The following PRSS33 variants were observed in gnomAD, a reference collection of about 807,000 sequenced individuals.
PRSS33 encodes serine protease 33, also known as protease, serine 33.
Under a neutral mutation model 26.7 loss-of-function variants are expected in PRSS33, and 32 were observed. That is an observed-to-expected ratio of 1.20 (90% CI 0.90 to 1.61). The LOEUF (loss-of-function observed/expected upper bound fraction) is 1.61, where lower values mean the gene tolerates loss of function less well. Ranked by LOEUF, PRSS33 falls within the 40% of genes most tolerant of loss-of-function variation. The pLI is 0.00. For missense variants in PRSS33, 450 were observed against 396.3 expected (o/e 1.14, Z -1.15); for synonymous variants, 192 against 177.6 (o/e 1.08, Z -0.64).
rs1378887091 is a variant in PRSS33, at chr16:2,784,624, G to A, written c.*20C>T. Reference sequence around the variant, plus strand: ...GAGGGACCCCAGCAGCTGGCTCCAGGTCAGCCTCACCGGCTAGCATTAGAA... The same window carrying A: ...GAGGGACCCCAGCAGCTGGCTCCAGATCAGCCTCACCGGCTAGCATTAGAA... On this transcript the variant is annotated 3_prime_UTR_variant, in exon 7 of 7. Transcript: ENST00000682474. 3 of 1,561,592 alleles carry A rather than the reference G, an allele frequency of 1.9e-6. No homozygotes were observed. Among genetic ancestry groups the A allele is most frequent in the East Asian group, 2.4e-5 (1 of 42,170 alleles).
In PRSS33 at chr16:2,784,592, G is replaced by C. The variant is rs1412350534; in HGVS notation, c.*52C>G. 6.6e-7 allele frequency: 1 copy of C among 1,508,674 alleles called. No homozygotes were observed. The highest frequency in any genetic ancestry group is 8.9e-7 in the Non-Finnish European group (1 of 1,120,636). 93.5% of individuals were successfully genotyped at this position (1,508,674 alleles called of 1,614,324 possible). ...TATAGGCAGGTGCCTGGATGAACCAGGAGGCTGAGGGACCCCAGCAGCTGG... is the reference window on the plus strand; with the variant it reads ...TATAGGCAGGTGCCTGGATGAACCACGAGGCTGAGGGACCCCAGCAGCTGG... On this transcript the variant is annotated 3_prime_UTR_variant, in exon 7 of 7. Transcript: ENST00000682474.
At position 2,784,402 on chromosome 16, in the gene PRSS33, G is replaced by A. The variant is rs1055882817; in HGVS notation, c.*242C>T. 24 of 443,612 alleles carry A rather than the reference G, an allele frequency of 5.4e-5. No homozygotes were observed. The highest frequency in any genetic ancestry group is 3.1e-4 in the Admixed American group (8 of 26,076). The allele number at this position is 443,612 out of a possible 1,614,324, so 27.5% of individuals were successfully genotyped here. A position where few individuals can be genotyped will look rare whatever the true frequency, so the allele number is the denominator to read the frequency against. ...GTAAATACAAGCCAGGAAGGGAGTG[G>A]GGAGTGTGACTCCCTGGGACTCATG... On this transcript the variant is annotated 3_prime_UTR_variant, in exon 7 of 7. Transcript: ENST00000682474.
At position 2,785,846 on chromosome 16, in the gene PRSS33, C is replaced by G. The variant is rs1261056955; in HGVS notation, c.195G>C (p.Ser65=). The G allele has an allele frequency of 6.2e-7, 1 of 1,606,962 alleles. No homozygotes were observed. The highest frequency in any genetic ancestry group is 8.5e-7 in the Non-Finnish European group (1 of 1,178,464). ...QHRGAHVCGG[S]LIAPQWVLTA... ...TCAGCACCCACTGGGGGGCGATGAG[C>G]GACCCCCCGCACACGTGTGCCCCAC... The change falls in exon 4 of 7, where the codon TCG becomes TCC. Residue 65 remains serine (S), a synonymous_variant. Coordinates refer to ENST00000682474, the MANE Select transcript of PRSS33 (RefSeq NM_152891.3).
rs772213920 is a variant in PRSS33, at chr16:2,785,680, C to G, written c.243-34G>C. 1.8e-5 allele frequency: 26 copies of G among 1,467,764 alleles called. No homozygotes were observed. In the African/African-American group the frequency reaches 2.8e-4, roughly 16 times the overall value. 90.9% of individuals were successfully genotyped at this position (1,467,764 alleles called of 1,614,324 possible). On this transcript the variant is annotated intron_variant, in intron 4 of 6. Coordinates refer to ENST00000682474, the MANE Select transcript of PRSS33 (RefSeq NM_152891.3). Reference sequence around the variant, plus strand: ...CAGGAGCGGGGGACTACTTCCAGCACCGGGTCCTCGACCCCCTCCAGCCCG... The same window carrying G: ...CAGGAGCGGGGGACTACTTCCAGCAGCGGGTCCTCGACCCCCTCCAGCCCG...
At chr16:2,785,285 A>G in intron 5 of PRSS33, 90 bp downstream of exon 5, 2 of 1,450,968 alleles carry the variant, frequency 1.4e-6, no homozygotes, top group Middle Eastern at 2.1e-4. Context: ...TGGGTCCTGG[A>G]TTGGGGCAGT....
chr16:2,785,385 G>A lies in PRSS33; in HGVS notation c.504C>T (p.Leu168=). Residue 168 remains leucine, a synonymous_variant, in exon 5 of 7, where the codon CTC becomes CTT. Transcript: ENST00000682474. ...GCCCTCCTGCCTTACCTCCTGGGCGGAGGCTGCCCCAGCCGGTGACCCGGC... is the reference window on the plus strand; with the variant it reads ...GCCCTCCTGCCTTACCTCCTGGGCGAAGGCTGCCCCAGCCGGTGACCCGGC... ...TPCRVTGWGS[L]RPGVPLPEWR... The A allele has an allele frequency of 7.0e-7, 1 of 1,432,730 alleles. No homozygotes were observed. The highest frequency in any genetic ancestry group is 9.1e-7 in the Non-Finnish European group (1 of 1,103,792). 88.8% of individuals were successfully genotyped at this position (1,432,730 alleles called of 1,614,324 possible).
At chr16:2,786,030 G>T in intron 3 of PRSS33, 59 bp downstream of exon 3, 1 of 1,611,788 alleles carries the variant, frequency 6.2e-7, no homozygotes, top group Non-Finnish European at 8.5e-7. Context: ...TGTTGGTGGG[G>T]AGACACGGGG....
At position 2,785,092 on chromosome 16, in the gene PRSS33, G is replaced by A; in HGVS notation, c.594C>T (p.His198=). The change falls in exon 6 of 7, where the codon CAC becomes CAT. Residue 198 remains histidine, a synonymous_variant. Coordinates refer to ENST00000682474, the MANE Select transcript of PRSS33 (RefSeq NM_152891.3). ...LDSRTCDGLY[H]VGADVPQAER... is the part of the protein sequence containing the mutation. ...CAGCCTGGGGCACGTCCGCGCCCAC[G>A]TGGTAGAGGCCGTCGCAGGTGCGCG... is the stretch of plus-strand genomic sequence containing the variant. 1 of 1,558,024 alleles carries A rather than the reference G, an allele frequency of 6.4e-7. No individual in the cohort carries two copies. The highest frequency in any genetic ancestry group is 8.7e-7 in the Non-Finnish European group (1 of 1,154,220).
Position 2,786,590 on chromosome 16 carries a change from G to A in PRSS33, c.-43C>T, listed in dbSNP as rs377045103. ...GCTGGGTAAGGGTGGCACTGCCTAGGGCTTGGACTCTGGTCTGGAGCCAGC... is the reference window on the plus strand; with the variant it reads ...GCTGGGTAAGGGTGGCACTGCCTAGAGCTTGGACTCTGGTCTGGAGCCAGC... On this transcript the variant is annotated 5_prime_UTR_variant, in exon 2 of 7. Transcript: ENST00000682474. The A allele has an allele frequency of 2.2e-5, 35 of 1,609,714 alleles. No individual in the cohort carries two copies. Among genetic ancestry groups the A allele is most frequent in the Non-Finnish European group, 2.7e-5 (32 of 1,177,402 alleles).
Position 2,785,112 on chromosome 16 carries a change from TGC to T in PRSS33, c.572_573del (p.Arg191HisfsTer16). 1.3e-6 allele frequency: 2 copies of T among 1,548,826 alleles called. No homozygotes were observed. Among genetic ancestry groups the T allele is most frequent in the Non-Finnish European group, 1.7e-6 (2 of 1,149,510 alleles). On this transcript the variant is annotated frameshift_variant, in exon 6 of 7. Coordinates refer to ENST00000682474, the MANE Select transcript of PRSS33 (RefSeq NM_152891.3). LOFTEE classifies it high-confidence loss of function. ...CCCACGTGGTAGAGGCCGTCGCAGG[TGC>T]GCGAGTCCAGCAGCGGCACCCTTAC... ...QGVRVPLLDS[R>X]TCDGLYHVGA... is the part of the protein sequence containing the mutation.
Position 2,784,634 on chromosome 16 carries a change from C to T in PRSS33, c.*10G>A. The T allele has an allele frequency of 1.3e-6, 2 of 1,576,262 alleles. No homozygotes were observed. Among genetic ancestry groups the T allele is most frequent in the Non-Finnish European group, 8.6e-7 (1 of 1,159,640 alleles). On this transcript the variant is annotated 3_prime_UTR_variant, in exon 7 of 7. Transcript: ENST00000682474. The stretch of plus-strand genomic sequence containing the variant: ...AGCAGCTGGCTCCAGGTCAGCCTCA[C>T]CGGCTAGCATTAGAAGCTGACGCGA...
At position 2,785,582 on chromosome 16, in the gene PRSS33, G is replaced by A. The variant is rs1217196430; in HGVS notation, c.307C>T (p.Arg103Cys). The A allele has an allele frequency of 1.3e-6, 2 of 1,523,198 alleles. No homozygotes were observed. The highest frequency in any genetic ancestry group is 2.4e-5 in the South Asian group (2 of 82,734). 94.4% of individuals were successfully genotyped at this position (1,523,198 alleles called of 1,614,324 possible). Reference protein sequence around the residue: ...GALRLGSTSPRTLSVPVRRVL... With the variant: ...GALRLGSTSPCTLSVPVRRVL... ...CGTCGCACGGGCACCGAGAGCGTGC[G>A]GGGCGAGGTGGAGCCCAGACGCAGC... The change falls in exon 5 of 7, where the codon CGC becomes TGC. Residue 103 changes from arginine to cysteine, a missense_variant. Arg to Cys is a radical substitution (Grantham distance 180). Coordinates refer to ENST00000682474, the MANE Select transcript of PRSS33 (RefSeq NM_152891.3).
At position 2,784,994 on chromosome 16, in the gene PRSS33, G is replaced by T. The variant is rs1275637112; in HGVS notation, c.684+8C>A. On this transcript the variant is annotated splice_region_variant and intron_variant, in intron 6 of 6. Coordinates refer to ENST00000682474, the MANE Select transcript of PRSS33 (RefSeq NM_152891.3). ...GGACTCCGGAGGCTGGGGAGGCTGGGTGCACACCTGGCAGGCGTCCTTGTG... is the reference window on the plus strand; with the variant it reads ...GGACTCCGGAGGCTGGGGAGGCTGGTTGCACACCTGGCAGGCGTCCTTGTG... The T allele has an allele frequency of 2.5e-6, 4 of 1,597,036 alleles. No individual in the cohort carries two copies.
chr16:2,787,597 G>C (rs890811851), upstream of PRSS33, among the ~76,000 whole-genome samples: 2 of 149,676 alleles, frequency 1.3e-5, no homozygotes, highest in African/African-American at 4.9e-5. Context: ...AAAGTGCCAG[G>C]AGAGCGCGAG....
upstream of PRSS33, among the ~76,000 whole-genome samples, chr16:2,787,662 C>G (rs1317941021): frequency 5.9e-5 from 9 of 151,612 alleles, no homozygotes; most frequent in African/African-American, 2.2e-4. Flanking sequence ...TTTACCGGAC[C>G]AGCCTCAAAC....
At position 2,784,759 on chromosome 16, in the gene PRSS33, C is replaced by T. The variant is rs751412979; in HGVS notation, c.728G>A (p.Trp243Ter). The change falls in exon 7 of 7, where the codon TGG (tryptophan) becomes TAG (stop). Residue 243 changes from tryptophan (W) to a stop codon, truncating the protein, a stop_gained. Coordinates refer to ENST00000682474, the MANE Select transcript of PRSS33 (RefSeq NM_152891.3). LOFTEE classifies it low-confidence loss of function (END_TRUNC). ...GPLTCLQSGS[W>*]VLVGVVSWGK... Reference sequence around the variant, plus strand: ...CCAGCTCACCACGCCCACCAGGACCCAGCTCCCAGACTGCAGGCAGGTCAG... The same window carrying T: ...CCAGCTCACCACGCCCACCAGGACCTAGCTCCCAGACTGCAGGCAGGTCAG... 10 of 1,609,378 alleles carry T rather than the reference C, an allele frequency of 6.2e-6. No homozygotes were observed. In the South Asian group the frequency reaches 7.8e-5, roughly 13 times the overall value.
In PRSS33 at chr16:2,785,110, G is replaced by A. The variant is rs1285551038; in HGVS notation, c.576C>T (p.Thr192=). 1.3e-6 allele frequency: 2 copies of A among 1,549,378 alleles called. No individual in the cohort carries two copies. Among genetic ancestry groups the A allele is most frequent in the Admixed American group, 1.9e-5 (1 of 51,392 alleles). ...GVRVPLLDSR[T]CDGLYHVGAD... is the part of the protein sequence containing the mutation. ...CGCCCACGTGGTAGAGGCCGTCGCA[G>A]GTGCGCGAGTCCAGCAGCGGCACCC... Residue 192 remains threonine (T), a synonymous_variant, in exon 6 of 7, where the codon ACC becomes ACT. Transcript: ENST00000682474.
intron 6 of PRSS33, 23 bp from the exon 7 acceptor site, chr16:2,784,825 A>G (rs12931183): frequency 0.72 from 1,138,206 of 1,584,050 alleles, 415,797 homozygotes; most frequent in Non-Finnish European, 0.75. Flanking sequence ...GAGGAGCCTA[A>G]GTCCCAGCCC....
rs764744212 is a variant in PRSS33 at position 2,784,727 on chromosome 16, C to A, written c.760G>T (p.Gly254Cys). 2 of 1,607,326 alleles carry A rather than the reference C, an allele frequency of 1.2e-6. No individual in the cohort carries two copies. Among genetic ancestry groups the A allele is most frequent in the South Asian group, 1.1e-5 (1 of 89,704 alleles). The change falls in exon 7 of 7, where the codon GGT becomes TGT. Residue 254 changes from glycine to cysteine, a missense_variant. By Grantham distance (159) the Gly-to-Cys change is radical. Coordinates refer to ENST00000682474, the MANE Select transcript of PRSS33 (RefSeq NM_152891.3). Reference protein sequence around the residue: ...VLVGVVSWGKGCALPNRPGVY... With the variant: ...VLVGVVSWGKCCALPNRPGVY... ...CCTGGACGGTTGGGCAGGGCACAACCCTTGCCCCAGCTCACCACGCCCACC... is the reference window on the plus strand; with the variant it reads ...CCTGGACGGTTGGGCAGGGCACAACACTTGCCCCAGCTCACCACGCCCACC...
Sources: gnomAD v4.1 joint callset for allele counts (sites outside exome capture counted in the v4.1 genomes callset) on GRCh38, gnomAD v4.1.1 for gene constraint, MANE v1.5 for transcripts, NCBI Gene and HGNC (gene_info 2026-07-23, HGNC 2026-07-21) for gene names.